DPP10: variants seen among roughly 807,000 people sequenced by gnomAD.
The protein encoded by DPP10 is inactive dipeptidyl peptidase 10.
Under a neutral mutation model 120.9 loss-of-function variants are expected in DPP10, and 33 were observed. The observed-to-expected ratio is 0.27, with a 90% CI of 0.21 to 0.37. The LOEUF is 0.37. DPP10 is among the 10% of genes least tolerant of loss of function. The probability of loss-of-function intolerance (pLI) is 1.00; values close to 1 mark genes in which losing one functional copy is unlikely to be tolerated. For missense variants in DPP10, 816 were observed against 942.8 expected (o/e 0.87, Z 1.76); for synonymous variants, 337 against 326.1 (o/e 1.03, Z -0.36).
At chr2:115,102,766 G>GA (rs113005001) in intron 1 of DPP10, among the ~76,000 whole-genome samples, 75,143 of 149,032 alleles carry the variant, frequency 0.5, 19,213 homozygotes, top group East Asian at 0.62. Flanking sequence ...GAGTCATAAA[G>GA]AAAAAAAAAA....
chr2:115,294,783 C>T (rs1423537338), intron 1 of DPP10, among the ~76,000 whole-genome samples: 6 of 152,006 alleles, frequency 3.9e-5, no homozygotes, highest in Non-Finnish European at 7.4e-5. Flanking sequence ...ATAAGTATCA[C>T]TACAAAATGA....
At chr2:114,977,143 C>A (rs1247489866) in intron 1 of DPP10, among the ~76,000 whole-genome samples, 2 of 152,074 alleles carry the variant, frequency 1.3e-5, no homozygotes, top group African/African-American at 4.8e-5. Flanking sequence ...ACATTTTTCT[C>A]TTTTATTGAA....
intron 1 of DPP10, among the ~76,000 whole-genome samples, chr2:115,114,411 A>T (rs891050462): frequency 1.3e-5 from 2 of 152,224 alleles, no homozygotes; most frequent in Non-Finnish European, 1.5e-5. Context: ...ATTCCTAGTC[A>T]TGCCCATTCA....
intron 1 of DPP10, among the ~76,000 whole-genome samples, chr2:114,827,096 A>G (rs13398951): frequency 0.21 from 32,548 of 151,550 alleles, 4,202 homozygotes; most frequent in African/African-American, 0.37. Context: ...GCGATTTCTC[A>G]TTCCTGTGAC....
chr2:115,325,644 G>A (rs1370975878), intron 2 of DPP10, among the ~76,000 whole-genome samples: 2 of 152,010 alleles, frequency 1.3e-5, no homozygotes, highest in African/African-American at 2.4e-5. Context: ...CAAATAAAAT[G>A]TGTATTAATT....
At chr2:115,098,586 A>G (rs1346962165) in intron 1 of DPP10, among the ~76,000 whole-genome samples, 2 of 152,120 alleles carry the variant, frequency 1.3e-5, no homozygotes, top group African/African-American at 4.8e-5. Flanking sequence ...AAAAAAAGGT[A>G]CAGTAAAAAT....
At chr2:114,993,008 G>A (rs775731518) in intron 1 of DPP10, among the ~76,000 whole-genome samples, 12 of 152,082 alleles carry the variant, frequency 7.9e-5, no homozygotes, top group African/African-American at 1.7e-4. Flanking sequence ...CTCAGCTAGC[G>A]GTAGTTGTCT....
intron 1 of DPP10, among the ~76,000 whole-genome samples, chr2:114,826,370 A>G (rs920257939): frequency 9.9e-5 from 15 of 152,160 alleles, no homozygotes; most frequent in African/African-American, 3.6e-4. Flanking sequence ...GTGGAGGAGA[A>G]ATAGTAATAC....
chr2:115,235,903 G>A (rs1457287050), intron 1 of DPP10, among the ~76,000 whole-genome samples: 1 of 152,132 alleles, frequency 6.6e-6, no homozygotes, highest in Non-Finnish European at 1.5e-5. Flanking sequence ...AGTACACGAT[G>A]GAGGATGTCC....
At chr2:115,691,007 C>G (rs537302597) in intron 7 of DPP10, among the ~76,000 whole-genome samples, 2 of 152,230 alleles carry the variant, frequency 1.3e-5, no homozygotes, top group Admixed American at 1.3e-4. Flanking sequence ...TTTAGTATTT[C>G]CTTGAATTCT....
intron 3 of DPP10, 53 bp downstream of exon 3, chr2:115,343,965 A>C (rs1481645466): frequency 2.1e-6 from 3 of 1,432,648 alleles, no homozygotes; most frequent in East Asian, 4.9e-5. Flanking sequence ...TGTATAATTA[A>C]AATTTTAAAA....
chr2:115,345,315 A>G (rs1453293242), intron 3 of DPP10, among the ~76,000 whole-genome samples: 1 of 152,154 alleles, frequency 6.6e-6, no homozygotes, highest in African/African-American at 2.4e-5. Context: ...TGATTATTTC[A>G]CATATACACT....
At chr2:115,342,644 G>T (rs1347530300) in intron 2 of DPP10, among the ~76,000 whole-genome samples, 1 of 152,124 alleles carries the variant, frequency 6.6e-6, no homozygotes, top group East Asian at 1.9e-4. Flanking sequence ...ATTTGTGAAT[G>T]AATTAAGAAA....
intron 7 of DPP10, among the ~76,000 whole-genome samples, chr2:115,703,091 A>T (rs1324809526): frequency 6.6e-6 from 1 of 152,068 alleles, no homozygotes; most frequent in Non-Finnish European, 1.5e-5. Context: ...TTCAAAAATC[A>T]GGTGAAGGGA....
At chr2:115,591,000 C>T (rs1197074390) in intron 5 of DPP10, among the ~76,000 whole-genome samples, 1 of 152,176 alleles carries the variant, frequency 6.6e-6, no homozygotes, top group African/African-American at 2.4e-5. Flanking sequence ...CCTTTGCCCA[C>T]TTCTTGATGG....
chr2:115,264,172 C>T (rs1574218480), intron 1 of DPP10, among the ~76,000 whole-genome samples: 2 of 152,080 alleles, frequency 1.3e-5, no homozygotes, highest in East Asian at 3.8e-4. Flanking sequence ...TGGACATATT[C>T]TTATAATCTG....
chr2:115,309,366 T>G lies in DPP10; in HGVS notation c.175+13T>G. ...CTCTTAACCCCAGGTAATCTGTCTT[T>G]ATTCCTCTCTTATGATGGATGGTAT... On this transcript the variant is annotated intron_variant, in intron 2 of 25. Coordinates refer to ENST00000410059, the MANE Select transcript of DPP10 (RefSeq NM_020868.6). 1 of 1,607,432 alleles carries G rather than the reference T, an allele frequency of 6.2e-7. No individual in the cohort carries two copies. Among genetic ancestry groups the G allele is most frequent in the Non-Finnish European group, 8.5e-7 (1 of 1,174,306 alleles).
intron 21 of DPP10, among the ~76,000 whole-genome samples, chr2:115,824,320 T>G (rs1688096416): frequency 6.6e-6 from 1 of 152,166 alleles, no homozygotes; most frequent in African/African-American, 2.4e-5. Context: ...TTTTAAAATT[T>G]TACGTTAAGT....
intron 12 of DPP10, among the ~76,000 whole-genome samples, chr2:115,767,560 C>T (rs1435224252): frequency 8.6e-5 from 13 of 151,086 alleles, no homozygotes; most frequent in Non-Finnish European, 1.6e-4. Context: ...TATATACACA[C>T]ACATAAATAT....
Sources: allele counts gnomAD v4.1 joint callset (sites outside exome capture counted in the v4.1 genomes callset), GRCh38; gene constraint gnomAD v4.1.1; transcripts MANE v1.5; gene names NCBI Gene and HGNC (gene_info 2026-07-23, HGNC 2026-07-21).